Variants in USP2 observed in about 807,000 individuals in gnomAD.
The protein encoded by USP2 is ubiquitin specific peptidase 2, also known as ubiquitin carboxyl-terminal hydrolase 2.
USP2 carries 33 observed loss-of-function variants against 72.0 expected under a neutral mutation model. The observed-to-expected ratio is 0.46, with a 90% CI of 0.35 to 0.61. USP2 has a LOEUF of 0.61. USP2 is among the 20% of genes least tolerant of loss of function. USP2 has a pLI of 0.01. For missense variants in USP2, 691 were observed against 797.8 expected (o/e 0.87, Z 1.61); for synonymous variants, 296 against 312.5 (o/e 0.95, Z 0.56).
At chr11:119,364,246 C>T (rs941708451) in intron 2 of USP2, 11 of 1,025,816 alleles carry the variant, frequency 1.1e-5, no homozygotes, top group African/African-American at 8.5e-5. Context: ...GCGACGTCAG[C>T]GCTGGGGCGG....
At position 119,372,811 on chromosome 11, in the gene USP2, T is replaced by G. The variant is rs142525206; in HGVS notation, c.670A>C (p.Ile224Leu). The G allele has an allele frequency of 7.8e-5, 126 of 1,606,134 alleles. No homozygotes were observed. Among genetic ancestry groups the G allele is most frequent in the Non-Finnish European group, 1.0e-4 (120 of 1,176,504 alleles). The change falls in exon 2 of 13, where the codon ATC becomes CTC. Residue 224 changes from isoleucine (I) to leucine (L), a missense_variant. By Grantham distance (5) the Ile-to-Leu change is conservative. Coordinates refer to ENST00000260187, the MANE Select transcript of USP2 (RefSeq NM_004205.5). ...QAPPSRVPEI[I>L]SPTYRPIGRY... Reference sequence around the variant, plus strand: ...CCAATGGGTCGGTAGGTTGGGCTGATGATTTCAGGGACTCGTGAGGGAGGG... The same window carrying G: ...CCAATGGGTCGGTAGGTTGGGCTGAGGATTTCAGGGACTCGTGAGGGAGGG...
At chr11:119,360,289 C>T in intron 2 of USP2, 55 bp from the exon 3 acceptor site, 1 of 1,590,264 alleles carries the variant, frequency 6.3e-7, no homozygotes, top group Non-Finnish European at 8.6e-7. Flanking sequence ...TAGGCCTGTG[C>T]TGGGCTCTCT....
chr11:119,376,466 G>T, intron 1 of USP2: 1 of 951,652 alleles, frequency 1.1e-6, no homozygotes, highest in Non-Finnish European at 1.3e-6. Flanking sequence ...CTGCTGCCCA[G>T]CTCCTTTCAC....
chr11:119,360,566 G>A (rs761204838), intron 2 of USP2, among the ~76,000 whole-genome samples: 1 of 152,054 alleles, frequency 6.6e-6, no homozygotes, highest in Non-Finnish European at 1.5e-5. Flanking sequence ...TGGGACTACA[G>A]GTGTGTGCCA....
At position 119,358,361 on chromosome 11, in the gene USP2, G is replaced by C. The variant is rs891371219; in HGVS notation, c.1238-109C>G. On this transcript the variant is annotated intron_variant, in intron 7 of 12. Coordinates refer to ENST00000260187, the MANE Select transcript of USP2 (RefSeq NM_004205.5). Reference sequence around the variant, plus strand: ...AGATGGAGTTTTGCTCTGTCCCCCAGGCTGAAGTGCAGTGGTGCAATCTCA... The same window carrying C: ...AGATGGAGTTTTGCTCTGTCCCCCACGCTGAAGTGCAGTGGTGCAATCTCA... 8.8e-6 allele frequency: 9 copies of C among 1,019,614 alleles called. No individual in the cohort carries two copies. In the African/African-American group the frequency reaches 1.4e-4, roughly 16 times the overall value. The allele number at this position is 1,019,614 out of a possible 1,614,324, so 63.2% of individuals were successfully genotyped here. A position where few individuals can be genotyped will look rare whatever the true frequency, so the allele number is the denominator to read the frequency against.
chr11:119,376,210 C>T (rs565034518), intron 1 of USP2: 8 of 985,598 alleles, frequency 8.1e-6, no homozygotes, highest in East Asian at 2.3e-4. Flanking sequence ...TGGGTTGGTG[C>T]CCCTTGGCAT....
chr11:119,357,869 G>A, intron 9 of USP2, 34 bp from the exon 10 acceptor site: 1 of 1,613,924 alleles, frequency 6.2e-7, no homozygotes. Flanking sequence ...GAACTTGTGG[G>A]GAAGTCAGTG....
At chr11:119,381,186 A>G (rs915662272) in intron 1 of USP2, among the ~76,000 whole-genome samples, 2 of 152,054 alleles carry the variant, frequency 1.3e-5, no homozygotes, top group African/African-American at 4.8e-5. Context: ...CTCAGGCCAC[A>G]TACCACCGAT....
chr11:119,379,378 T>G (rs1351990629), intron 1 of USP2: 206 of 537,844 alleles, frequency 3.8e-4, no homozygotes, highest in Non-Finnish European at 4.5e-4. Flanking sequence ...GGGGTGGGGG[T>G]GGAACTTGAG....
In USP2 at chr11:119,358,060, C is replaced by T. The variant is rs539989778; in HGVS notation, c.1343G>A (p.Arg448Gln). ...FWDLSLPIAK[R>Q]GYPEVTLMDC... ...CATTAATGTCACCTCAGGATAACCT[C>T]GCTGGGAAGGGGAAAAAAGCAAAGG... The change falls in exon 9 of 13, where the codon CGA becomes CAA. Residue 448 changes from arginine (R) to glutamine (Q), a missense_variant and splice_region_variant. Coordinates refer to ENST00000260187, the MANE Select transcript of USP2 (RefSeq NM_004205.5). 22 of 1,614,122 alleles carry T rather than the reference C, an allele frequency of 1.4e-5. No homozygotes were observed. The highest frequency in any genetic ancestry group is 2.7e-5 in the African/African-American group (2 of 75,024).
chr11:119,364,886 CAAT>C (rs1950830707), intron 2 of USP2, among the ~76,000 whole-genome samples: 1 of 152,156 alleles, frequency 6.6e-6, no homozygotes, highest in Admixed American at 6.5e-5. Flanking sequence ...CTCTTCTAAC[CAAT>C]TACCCAGCTC....
intron 2 of USP2, chr11:119,363,891 C>T: frequency 7.8e-7 from 1 of 1,277,852 alleles, no homozygotes; most frequent in Non-Finnish European, 1.0e-6. Context: ...TGGAGAGCAG[C>T]AGGGACGGGG....
intron 1 of USP2, 144 bp from the exon 2 acceptor site, chr11:119,373,665 A>C: frequency 1.3e-6 from 1 of 776,472 alleles, no homozygotes; most frequent in Non-Finnish European, 2.0e-6. Flanking sequence ...AGAAGCACAC[A>C]TGCACGCAGG....
Position 119,377,725 on chromosome 11 carries a change from C to T in USP2, c.-42+3748G>A, listed in dbSNP as rs114296723. Reference sequence around the variant, plus strand: ...GGGTGAGTCAGGGGTTAAAATGAACCCTGTCCCCGTGGGGCAGCCAACCCC... The same window carrying T: ...GGGTGAGTCAGGGGTTAAAATGAACTCTGTCCCCGTGGGGCAGCCAACCCC... On this transcript the variant is annotated intron_variant, in intron 1 of 12. Transcript: ENST00000260187. Among the ~76,000 whole-genome samples the T allele has an allele frequency of 8.3e-3, 1,257 of 152,228 alleles. 20 individuals are homozygous for T. The highest frequency in any genetic ancestry group is 0.029 in the African/African-American group (1,213 of 41,534).
At chr11:119,369,951 G>A (rs760551013) in intron 2 of USP2, among the ~76,000 whole-genome samples, 5 of 152,126 alleles carry the variant, frequency 3.3e-5, no homozygotes, top group Non-Finnish European at 7.3e-5. Flanking sequence ...GGCCGAGGCG[G>A]GTGGATCACC....
chr11:119,371,650 A>C (rs988147105), intron 2 of USP2, among the ~76,000 whole-genome samples: 1 of 152,156 alleles, frequency 6.6e-6, no homozygotes, highest in Non-Finnish European at 1.5e-5. Flanking sequence ...CAGCCCTCCA[A>C]GCAGTATTTC....
intron 3 of USP2, 146 bp downstream of exon 3, chr11:119,360,038 T>C (rs1448607646): frequency 9.6e-7 from 1 of 1,043,638 alleles, no homozygotes; most frequent in East Asian, 2.6e-5. Flanking sequence ...CCAGCAATTC[T>C]GTGAAACACC....
intron 2 of USP2, chr11:119,364,282 C>T (rs1229255422): frequency 1.4e-6 from 1 of 731,210 alleles, no homozygotes; most frequent in Admixed American, 6.0e-5. Flanking sequence ...CCCGCCCCAC[C>T]TCGCCTCTAC....
intron 1 of USP2, chr11:119,379,377 G>T: frequency 1.6e-5 from 11 of 683,538 alleles, no homozygotes; most frequent in Non-Finnish European, 2.0e-5. Flanking sequence ...AGGGGTGGGG[G>T]TGGAACTTGA....
Sources: allele counts gnomAD v4.1 joint callset (sites outside exome capture counted in the v4.1 genomes callset), GRCh38; gene constraint gnomAD v4.1.1; transcripts MANE v1.5; gene names NCBI Gene and HGNC (gene_info 2026-07-23, HGNC 2026-07-21).